SIPA1L3: variants seen among roughly 807,000 people sequenced by gnomAD.
SIPA1L3 encodes the protein signal-induced proliferation-associated 1-like protein 3.
In SIPA1L3, 59 loss-of-function variants were observed where a neutral mutation model predicts 150.1. The observed-to-expected ratio is 0.39, with a 90% confidence interval of 0.32 to 0.49. SIPA1L3 has a LOEUF of 0.49. Among genes scored for constraint, SIPA1L3 ranks in the 20% least tolerant of loss-of-function variants. The pLI, the probability that SIPA1L3 is intolerant of heterozygous loss-of-function variation, is 0.86. For synonymous variants in SIPA1L3, 1,070 were observed against 1,077.6 expected (o/e 0.99, Z 0.14); for missense variants, 2,211 against 2,489.5 (o/e 0.89, Z 2.38).
At chr19:38,185,898 CCCCAGTTCAA>C (rs1408352568) in intron 16 of SIPA1L3, 2 of 152,138 alleles carry the variant, frequency 1.3e-5, no homozygotes, top group African/African-American at 4.8e-5. Flanking sequence ...TTTTGTGGGG[CCCCAGTTCAA>C]CCCATAACAC....
At chr19:38,154,272 C>T (rs997320968) in intron 13 of SIPA1L3, among the ~76,000 whole-genome samples, 1 of 152,136 alleles carries the variant, frequency 6.6e-6, no homozygotes, top group African/African-American at 2.4e-5. Flanking sequence ...CAACTTATTG[C>T]CACATCTTGG....
intron 16 of SIPA1L3, among the ~76,000 whole-genome samples, chr19:38,190,894 C>T (rs73627672): frequency 0.077 from 11,701 of 152,188 alleles, 1,307 homozygotes; most frequent in African/African-American, 0.23. Flanking sequence ...CTGTTCCCCA[C>T]ACCATACGTG....
At chr19:38,193,815 T>A in intron 18 of SIPA1L3, 35 bp downstream of exon 18, 8 of 1,509,334 alleles carry the variant, frequency 5.3e-6, no homozygotes, top group Non-Finnish European at 7.0e-6. Context: ...GCGCGGTAGT[T>A]ACCCCAAGGT....
At position 38,140,947 on chromosome 19, in the gene SIPA1L3, A is replaced by G. The variant is rs4803808; in HGVS notation, c.3144-237A>G. ...GTGGCGCTTGCCTGTAGTCCCAGCT[A>G]CTCAGGAGGCTGAGGCACGAGAATC... On this transcript the variant is annotated intron_variant, in intron 10 of 21. Coordinates refer to ENST00000222345, the MANE Select transcript of SIPA1L3 (RefSeq NM_015073.3). 0.36 allele frequency among the ~76,000 whole-genome samples: 53,750 copies of G among 150,602 alleles called. 10,656 individuals carry two copies. Among genetic ancestry groups the G allele is most frequent in the East Asian group, 0.62 (3,150 of 5,080 alleles).
intron 1 of SIPA1L3, among the ~76,000 whole-genome samples, chr19:37,911,459 T>C (rs1488673508): frequency 6.6e-6 from 1 of 152,084 alleles, no homozygotes; most frequent in Non-Finnish European, 1.5e-5. Flanking sequence ...GAGACCACGC[T>C]TTATTCCAGC....
chr19:38,174,063 C>T (rs1336229636), intron 15 of SIPA1L3, among the ~76,000 whole-genome samples: 1 of 152,122 alleles, frequency 6.6e-6, no homozygotes, highest in Non-Finnish European at 1.5e-5. Flanking sequence ...TTCCCAGGAT[C>T]TCTCTGGCTG....
intron 14 of SIPA1L3, among the ~76,000 whole-genome samples, chr19:38,164,000 G>T (rs772898497): frequency 6.6e-6 from 1 of 152,216 alleles, no homozygotes; most frequent in East Asian, 1.9e-4. Flanking sequence ...ACAGGACCAC[G>T]CGGAGCCGTG....
intron 16 of SIPA1L3, chr19:38,185,899 C>T (rs1487375622): frequency 6.6e-6 from 1 of 152,108 alleles, no homozygotes; most frequent in East Asian, 1.9e-4. Context: ...TTTGTGGGGC[C>T]CCAGTTCAAC....
chr19:38,193,928 C>T (rs890438483), intron 18 of SIPA1L3, 148 bp downstream of exon 18: 15 of 927,510 alleles, frequency 1.6e-5, no homozygotes, highest in Non-Finnish European at 2.1e-5. Context: ...ACAGGAACTT[C>T]GGGGGGCCTG....
intron 1 of SIPA1L3, among the ~76,000 whole-genome samples, chr19:37,984,307 G>A (rs529180295): frequency 2.6e-5 from 4 of 152,076 alleles, no homozygotes; most frequent in South Asian, 2.1e-4. Context: ...GTAACAAAAC[G>A]GGTGGAGTGA....
At chr19:37,932,061 A>C (rs2046559121) in intron 1 of SIPA1L3, among the ~76,000 whole-genome samples, 2 of 152,246 alleles carry the variant, frequency 1.3e-5, no homozygotes, top group Non-Finnish European at 2.9e-5. Flanking sequence ...AGCTGGCTGG[A>C]AGAGTCCAGC....
intron 1 of SIPA1L3, among the ~76,000 whole-genome samples, chr19:37,950,076 CAA>C (rs35506284): frequency 2.2e-4 from 12 of 55,690 alleles, no homozygotes; most frequent in Non-Finnish European, 2.2e-4. Context: ...GACTGTGTCT[CAA>C]AAAAAAAAAA....
intron 15 of SIPA1L3, among the ~76,000 whole-genome samples, chr19:38,174,017 G>A (rs1272708499): frequency 6.6e-6 from 1 of 152,094 alleles, no homozygotes; most frequent in African/African-American, 2.4e-5. Context: ...CCAGAGTGAG[G>A]TGGAACCCTG....
At chr19:37,959,111 A>C (rs910499554) in intron 1 of SIPA1L3, among the ~76,000 whole-genome samples, 5 of 152,196 alleles carry the variant, frequency 3.3e-5, no homozygotes, top group Admixed American at 6.5e-5. Flanking sequence ...TTTGGAAAAC[A>C]ATTTGGCAGT....
intron 6 of SIPA1L3, among the ~76,000 whole-genome samples, chr19:38,103,943 T>C (rs1229335682): frequency 6.7e-6 from 1 of 149,652 alleles, no homozygotes; most frequent in Admixed American, 6.7e-5. Context: ...AATATATATA[T>C]GTATATGATA....
At chr19:37,933,459 A>G (rs537862295) in intron 1 of SIPA1L3, among the ~76,000 whole-genome samples, 6 of 152,090 alleles carry the variant, frequency 3.9e-5, no homozygotes, top group Non-Finnish European at 7.4e-5. Flanking sequence ...TATTTTGTCT[A>G]TGCTCTGCTT....
At chr19:38,131,185 G>A (rs770457834) in intron 10 of SIPA1L3, among the ~76,000 whole-genome samples, 2 of 152,174 alleles carry the variant, frequency 1.3e-5, no homozygotes, top group South Asian at 2.1e-4. Context: ...GCTCCCTTGC[G>A]GTTTGTGTTC....
chr19:38,183,330 C>G (rs1478591380), intron 16 of SIPA1L3, among the ~76,000 whole-genome samples: 5 of 151,834 alleles, frequency 3.3e-5, no homozygotes, highest in Non-Finnish European at 7.4e-5. Flanking sequence ...CTGTCATGGT[C>G]CAGGCGCAGA....
At chr19:38,061,473 G>T (rs1969444819) in intron 2 of SIPA1L3, among the ~76,000 whole-genome samples, 1 of 152,154 alleles carries the variant, frequency 6.6e-6, no homozygotes, top group African/African-American at 2.4e-5. Flanking sequence ...GACCAGAGGG[G>T]CCAGGCAGAA....
Sources: gnomAD v4.1 joint callset for allele counts (sites outside exome capture counted in the v4.1 genomes callset) on GRCh38, gnomAD v4.1.1 for gene constraint, MANE v1.5 for transcripts, NCBI Gene and HGNC (gene_info 2026-07-23, HGNC 2026-07-21) for gene names.